CRYBB2: variants seen among roughly 807,000 people sequenced by gnomAD.
CRYBB2 encodes crystallin beta B2, also known as beta-crystallin B2.
In CRYBB2, 12 loss-of-function variants were observed where a neutral mutation model predicts 24.3. That is an observed-to-expected ratio of 0.49 (90% CI 0.32 to 0.80). The LOEUF (loss-of-function observed/expected upper bound fraction) is 0.80. CRYBB2 is among the 30% of genes least tolerant of loss of function. CRYBB2 has a pLI of 0.04. For missense variants in CRYBB2, 198 were observed against 268.5 expected, an observed-to-expected ratio of 0.74 and a Z score of 1.83; for synonymous variants, 98 against 101.6, an observed-to-expected ratio of 0.96 and a Z score of 0.21.
At chr22:25,225,139 C>T (rs985725463) in intron 3 of CRYBB2, 103 bp downstream of exon 3, 16 of 790,462 alleles carry the variant, frequency 2.0e-5, no homozygotes, top group Non-Finnish European at 3.5e-5. Context: ...ATCTGGGAAC[C>T]AAGTTTTGGG....
Position 25,225,036 on chromosome 22 carries a change from C to A in CRYBB2, c.173C>A (p.Pro58His). 1.3e-6 allele frequency: 2 copies of A among 1,552,390 alleles called. No homozygotes were observed. The highest frequency in any genetic ancestry group is 1.8e-6 in the Non-Finnish European group (2 of 1,123,644). The part of the protein sequence containing the change: ...KAGSVLVQAG[P>H]WVGYEQANCK... ...GGTTCTGTCCTAGTGCAGGCTGGAC[C>A]GTAAGTACCTGGGTGGCCTCTCCTG... The change falls in exon 3 of 6, where the codon CCC becomes CAC. Residue 58 changes from proline to histidine, a missense_variant and splice_region_variant. Coordinates refer to ENST00000398215, the MANE Select transcript of CRYBB2 (RefSeq NM_000496.3).
intron 1 of CRYBB2, among the ~76,000 whole-genome samples, chr22:25,219,921 A>G (rs1312029346): frequency 1.3e-5 from 2 of 152,128 alleles, no homozygotes; most frequent in East Asian, 1.9e-4. Flanking sequence ...TTTATTATTA[A>G]TATTAAACAG....
In CRYBB2 at chr22:25,224,701, C is replaced by T. The variant is rs185260279; in HGVS notation, c.55-217C>T. Among the ~76,000 whole-genome samples the T allele has an allele frequency of 2.6e-3, 395 of 152,228 alleles. 1 individual carries two copies. The highest frequency in any genetic ancestry group is 4.8e-3 in the Non-Finnish European group (326 of 68,014). ...CTGTCTTTATTTCCCATTTTACAGA[C>T]GGGGAGACTGACGCTCAGAGAGGAG... is the stretch of plus-strand genomic sequence containing the variant. On this transcript the variant is annotated intron_variant, in intron 2 of 5. Coordinates refer to ENST00000398215, the MANE Select transcript of CRYBB2 (RefSeq NM_000496.3).
chr22:25,221,356 A>G (rs749818627), intron 1 of CRYBB2, 48 bp from the exon 2 acceptor site: 44 of 1,192,616 alleles, frequency 3.7e-5, no homozygotes, highest in Non-Finnish European at 5.4e-5. Context: ...AGAGTGAAAA[A>G]GCCAGTGGCC....
chr22:25,223,981 G>A lies in CRYBB2; in HGVS notation c.55-937G>A, dbSNP rs539043415. On this transcript the variant is annotated intron_variant, in intron 2 of 5. Transcript: ENST00000398215. ...TAAAAAAATACAAAAAAAATTAGCT[G>A]GGCGTGGTGGCAGGCGCCTGTAGTC... 4.4e-3 allele frequency among the ~76,000 whole-genome samples: 666 copies of A among 152,164 alleles called. 7 individuals carry two copies. The highest frequency in any genetic ancestry group is 0.015 in the African/African-American group (627 of 41,526).
At chr22:25,211,831 G>C (rs1378901389), upstream of CRYBB2, among the ~76,000 whole-genome samples, 1 of 152,232 alleles carries the variant, frequency 6.6e-6, no homozygotes, top group Non-Finnish European at 1.5e-5. Context: ...TTAATTGAGA[G>C]GCAGTATTGC....
At chr22:25,229,362 C>T in intron 4 of CRYBB2, 74 bp from the exon 5 acceptor site, 1 of 1,527,406 alleles carries the variant, frequency 6.5e-7, no homozygotes, top group Non-Finnish European at 8.9e-7. Flanking sequence ...AACTCTGGGG[C>T]ATGAGCATGG....
intron 2 of CRYBB2, among the ~76,000 whole-genome samples, chr22:25,224,561 G>A (rs565062462): frequency 6.6e-6 from 1 of 152,094 alleles, no homozygotes; most frequent in Non-Finnish European, 1.5e-5. Flanking sequence ...TAGAAGTGGG[G>A]TCTTCCCATC....
rs1935497978 is a variant in CRYBB2, at chr22:25,229,646, T to C, written c.449+68T>C. 4.4e-6 allele frequency: 7 copies of C among 1,592,396 alleles called. No individual in the cohort carries two copies. The South Asian group carries it at 7.9e-5, about 18-fold the overall frequency. On this transcript the variant is annotated intron_variant, in intron 5 of 5. Transcript: ENST00000398215. ...GAGACTCTGGGGTCCTAAGTCCTGC[T>C]CTGCCCTGTACACGCTGGTGATCTT... is the stretch of plus-strand genomic sequence containing the variant.
intron 2 of CRYBB2, among the ~76,000 whole-genome samples, chr22:25,224,013 A>G (rs1469912003): frequency 6.6e-6 from 1 of 151,698 alleles, no homozygotes; most frequent in East Asian, 1.9e-4. Flanking sequence ...AGTCCCAGCT[A>G]CTCAGGAGGC....
Position 25,225,005 on chromosome 22 carries a change from A to G in CRYBB2, c.142A>G (p.Lys48Glu). 6.2e-7 allele frequency: 1 copy of G among 1,611,996 alleles called. No individual in the cohort carries two copies. Among genetic ancestry groups the G allele is most frequent in the Non-Finnish European group, 8.5e-7 (1 of 1,178,036 alleles). ...CAACCTGAAGGAAACTGGCGTGGAG[A>G]AGGCAGGTTCTGTCCTAGTGCAGGC... ...CPNLKETGVE[K>E]AGSVLVQAGP... Residue 48 changes from lysine to glutamate, a missense_variant, in exon 3 of 6, where the codon AAG becomes GAG. Physicochemically the swap from Lys to Glu is moderately conservative, Grantham distance 56. Transcript: ENST00000398215.
chr22:25,228,962 G>A (rs1010522554), intron 4 of CRYBB2, among the ~76,000 whole-genome samples: 2 of 151,940 alleles, frequency 1.3e-5, no homozygotes, highest in Non-Finnish European at 2.9e-5. Flanking sequence ...GTGTGTGCGT[G>A]TGTCCATGTG....
At chr22:25,221,310 G>A (rs1332766421) in intron 1 of CRYBB2, 94 bp from the exon 2 acceptor site, 1 of 797,186 alleles carries the variant, frequency 1.3e-6, no homozygotes, top group African/African-American at 1.7e-5. Context: ...AAAAGAGAAT[G>A]TTTGGGGCCA....
At chr22:25,219,305 C>T (rs1029944920), upstream of CRYBB2, among the ~76,000 whole-genome samples, 10 of 152,320 alleles carry the variant, frequency 6.6e-5, no homozygotes, top group Non-Finnish European at 1.0e-4. Context: ...TCCCCAGGCC[C>T]ACTGAGATGT....
At chr22:25,217,578 A>C (rs1181262947), upstream of CRYBB2, among the ~76,000 whole-genome samples, 2 of 151,898 alleles carry the variant, frequency 1.3e-5, no homozygotes, top group Admixed American at 6.5e-5. Flanking sequence ...TGGCTTCCCA[A>C]AGTGCTGGGA....
chr22:25,219,120 C>T (rs534860037), upstream of CRYBB2, among the ~76,000 whole-genome samples: 5 of 152,272 alleles, frequency 3.3e-5, no homozygotes, highest in Admixed American at 2.6e-4. Context: ...CTGAGGGATG[C>T]GCTACCTCCC....
intron 5 of CRYBB2, among the ~76,000 whole-genome samples, chr22:25,229,813 C>T (rs902955908): frequency 1.3e-5 from 2 of 151,884 alleles, no homozygotes; most frequent in Admixed American, 1.3e-4. Context: ...AGTGGAGAAA[C>T]CTTGGCCTTA....
At chr22:25,216,399 G>A (rs1258846240), upstream of CRYBB2, among the ~76,000 whole-genome samples, 1 of 152,222 alleles carries the variant, frequency 6.6e-6, no homozygotes, top group Non-Finnish European at 1.5e-5. Context: ...ACTAAGGGAA[G>A]ATGATGTGAA....
At chr22:25,213,309 A>G (rs1255537168) in intron 1 of CRYBB2, 1 of 152,194 alleles carries the variant, frequency 6.6e-6, no homozygotes, top group Non-Finnish European at 1.5e-5. Context: ...CAAGGGGAAC[A>G]CCAAGACCTA....
Sources: gnomAD v4.1 joint callset for allele counts (sites outside exome capture counted in the v4.1 genomes callset) on GRCh38, gnomAD v4.1.1 for gene constraint, MANE v1.5 for transcripts, NCBI Gene and HGNC (gene_info 2026-07-23, HGNC 2026-07-21) for gene names.